IL16: variants seen among roughly 807,000 people sequenced by gnomAD.
IL16 encodes the protein interleukin 16.
IL16 carries 67 observed loss-of-function variants against 110.1 expected under a neutral mutation model. The observed-to-expected ratio is 0.61, with a 90% CI of 0.50 to 0.75. IL16 has a LOEUF of 0.75. Among genes scored for constraint, IL16 ranks in the 30% least tolerant of loss-of-function variants. IL16 has a pLI of 0.00. For missense variants in IL16, 1,545 were observed against 1,655.0 expected (o/e 0.93, Z 1.15); for synonymous variants, 689 against 662.9 (o/e 1.04, Z -0.61).
At chr15:81,307,013 C>T (rs1900603377) in intron 18 of IL16, among the ~76,000 whole-genome samples, 2 of 152,152 alleles carry the variant, frequency 1.3e-5, no homozygotes, top group Admixed American at 1.3e-4. Context: ...TTTGCCTTAC[C>T]CTAGTCCTGG....
intron 16 of IL16, among the ~76,000 whole-genome samples, chr15:81,304,939 C>A (rs561177142): frequency 1.3e-5 from 2 of 152,290 alleles, no homozygotes; most frequent in South Asian, 2.1e-4. Context: ...TTATAATGGA[C>A]CTCATTAAAG....
At chr15:81,235,935 C>T (rs77865895) in intron 2 of IL16, among the ~76,000 whole-genome samples, 475 of 152,270 alleles carry the variant, frequency 3.1e-3, no homozygotes, top group Admixed American at 5.3e-3. Flanking sequence ...ACAGGACACT[C>T]GATCTGGAAG....
intron 1 of IL16, among the ~76,000 whole-genome samples, chr15:81,224,711 T>C (rs1168621826): frequency 6.6e-6 from 1 of 152,204 alleles, no homozygotes; most frequent in Admixed American, 6.5e-5. Flanking sequence ...CTTCCTAGCC[T>C]TGGGCTCTTC....
At position 81,313,349 on chromosome 15, in the gene IL16, G is replaced by C; in HGVS notation, c.*4551G>C. 1 of 1,582,336 alleles carries C rather than the reference G, an allele frequency of 6.3e-7. No homozygotes were observed. The highest frequency in any genetic ancestry group is 1.7e-4 in the Middle Eastern group (1 of 6,010). On this transcript the variant is annotated 3_prime_UTR_variant, in exon 19 of 19. Coordinates refer to ENST00000683961, the MANE Select transcript of IL16 (RefSeq NM_172217.5). Reference sequence around the variant, plus strand: ...AGGAGTCCACCACGTTCTGTGGGAGGTAACCGCTGAGGTCGGTATGGAAGA... The same window carrying C: ...AGGAGTCCACCACGTTCTGTGGGAGCTAACCGCTGAGGTCGGTATGGAAGA...
chr15:81,209,345 T>A (rs1437094125), intron 1 of IL16, among the ~76,000 whole-genome samples: 1 of 151,316 alleles, frequency 6.6e-6, no homozygotes, highest in African/African-American at 2.4e-5. Context: ...GTCTGGATGG[T>A]GGTAAGAGGT....
intron 1 of IL16, among the ~76,000 whole-genome samples, chr15:81,190,594 A>G (rs1190724892): frequency 6.6e-6 from 1 of 152,136 alleles, no homozygotes; most frequent in Non-Finnish European, 1.5e-5. Context: ...TGAATTGTGG[A>G]GCTGGATACT....
Position 81,313,113 on chromosome 15 carries a change from G to T in IL16, c.*4315G>T. ...GAAGGGTGGGCTGCCGCCTCTGGTTGGCATTCTCAGAGATGCGCAGTCCAT... is the reference window on the plus strand; with the variant it reads ...GAAGGGTGGGCTGCCGCCTCTGGTTTGCATTCTCAGAGATGCGCAGTCCAT... On this transcript the variant is annotated 3_prime_UTR_variant, in exon 19 of 19. Coordinates refer to ENST00000683961, the MANE Select transcript of IL16 (RefSeq NM_172217.5). The T allele has an allele frequency of 2.0e-6, 2 of 1,015,384 alleles. No individual in the cohort carries two copies. Among genetic ancestry groups the T allele is most frequent in the Non-Finnish European group, 2.7e-6 (2 of 744,128 alleles). The allele number at this position is 1,015,384 out of a possible 1,614,324, so 62.9% of individuals were successfully genotyped here.
chr15:81,233,459 CTGTGTGTGTG>C (rs5814049), intron 2 of IL16, among the ~76,000 whole-genome samples: 9,573 of 143,424 alleles, frequency 0.067, 1,084 homozygotes, highest in African/African-American at 0.23. Context: ...TCTTCTCTTT[CTGTGTGTGTG>C]TGTGTGTGTG....
intron 1 of IL16, among the ~76,000 whole-genome samples, chr15:81,207,840 TG>T (rs1896091914): frequency 8.2e-6 from 1 of 122,576 alleles, no homozygotes; most frequent in African/African-American, 4.4e-5. Context: ...CAAGTGCATG[TG>T]GGTTTTTTTT....
Position 81,303,776 on chromosome 15 carries a change from A to C in IL16, c.3420+126A>C. 1.5e-6 allele frequency: 1 copy of C among 687,950 alleles called. No homozygotes were observed. Among genetic ancestry groups the C allele is most frequent in the Non-Finnish European group, 2.6e-6 (1 of 378,592 alleles). 42.6% of individuals were successfully genotyped at this position (687,950 alleles called of 1,614,324 possible). A position where few individuals can be genotyped will look rare whatever the true frequency, so the allele number is the denominator to read the frequency against. ...AATGCATGACACTAGGCCACTGGGC[A>C]GGTCCTGTCCACTCAGCACATCCCA... On this transcript the variant is annotated intron_variant, in intron 16 of 18. Transcript: ENST00000683961. The surrounding 1 kb of genome is among the most constrained non-coding windows in gnomAD (Gnocchi z 4.1).
intron 1 of IL16, among the ~76,000 whole-genome samples, chr15:81,204,964 A>G (rs1036217196): frequency 6.6e-6 from 1 of 152,176 alleles, no homozygotes; most frequent in Non-Finnish European, 1.5e-5. Flanking sequence ...AACAAGACAA[A>G]TTTTAAGTCT....
At chr15:81,236,716 G>A (rs1897187346) in intron 2 of IL16, among the ~76,000 whole-genome samples, 1 of 152,204 alleles carries the variant, frequency 6.6e-6, no homozygotes, top group African/African-American at 2.4e-5. Context: ...AATACTTTGG[G>A]AGGCTGAGGC....
intron 1 of IL16, among the ~76,000 whole-genome samples, chr15:81,206,973 C>G (rs189678161): frequency 3.9e-5 from 6 of 152,068 alleles, no homozygotes; most frequent in African/African-American, 1.4e-4. Flanking sequence ...GTGGCTCATG[C>G]CTGTAATCCC....
At chr15:81,292,188 C>T (rs1899751372) in intron 11 of IL16, 1 of 362,100 alleles carries the variant, frequency 2.8e-6, no homozygotes, top group South Asian at 2.1e-5. Context: ...GATGGGCTGC[C>T]CCATTGGACA....
At chr15:81,284,226 A>T (rs1014772741) in intron 9 of IL16, among the ~76,000 whole-genome samples, 45 of 152,338 alleles carry the variant, frequency 3.0e-4, no homozygotes, top group African/African-American at 9.9e-4. Flanking sequence ...ATTTGTGTAT[A>T]GTGCAAATAT....
At position 81,306,555 on chromosome 15, in the gene IL16, G is replaced by C. The variant is rs748020829; in HGVS notation, c.3805+10G>C. On this transcript the variant is annotated intron_variant, in intron 18 of 18. Transcript: ENST00000683961. Reference sequence around the variant, plus strand: ...AACAGGATTTTCAAAGGTGTGGGGTGTGTCTGGTTCTTTGCGTGCTCTCCA... The same window carrying C: ...AACAGGATTTTCAAAGGTGTGGGGTCTGTCTGGTTCTTTGCGTGCTCTCCA... The C allele has an allele frequency of 6.2e-7, 1 of 1,611,396 alleles. No homozygotes were observed. Among genetic ancestry groups the C allele is most frequent in the Non-Finnish European group, 8.5e-7 (1 of 1,180,016 alleles).
At chr15:81,301,238 G>A in intron 14 of IL16, 106 bp from the exon 15 acceptor site, 2 of 883,838 alleles carry the variant, frequency 2.3e-6, no homozygotes, top group Non-Finnish European at 1.7e-6. Flanking sequence ...CAAATAATAT[G>A]CACATAAGTG....
intron 11 of IL16, among the ~76,000 whole-genome samples, chr15:81,291,027 A>G (rs185456729): frequency 6.3e-4 from 96 of 152,360 alleles, no homozygotes; most frequent in African/African-American, 2.2e-3. Flanking sequence ...TATAAGAAAA[A>G]GTGAGGCCCT....
chr15:81,280,817 C>CTG (rs1468768175), intron 8 of IL16, among the ~76,000 whole-genome samples: 1 of 152,208 alleles, frequency 6.6e-6, no homozygotes, highest in Non-Finnish European at 1.5e-5. Flanking sequence ...GCAGACAAGT[C>CTG]TGTGCTGGCA....
Sources: gnomAD v4.1 joint callset for allele counts (sites outside exome capture counted in the v4.1 genomes callset) on GRCh38, gnomAD v4.1.1 for gene constraint, Gnocchi (gnomAD v3.1) non-coding constraint, MANE v1.5 for transcripts, NCBI Gene and HGNC (gene_info 2026-07-23, HGNC 2026-07-21) for gene names.